The following BPIFB3 variants were observed in gnomAD, a reference collection of about 807,000 sequenced individuals.
BPIFB3 encodes BPI fold containing family B member 3, also known as BPI fold-containing family B member 3.
A neutral mutation model predicts 53.1 loss-of-function variants in BPIFB3; 49 were observed. The observed-to-expected ratio is 0.92, with a 90% CI of 0.73 to 1.17. BPIFB3 has a LOEUF of 1.17. Among genes scored for constraint, BPIFB3 ranks in the 50% most tolerant of loss-of-function variants. The pLI is 0.00. For synonymous variants in BPIFB3, 271 were observed against 269.6 expected (o/e 1.01, Z -0.05); for missense variants, 628 against 592.5 (o/e 1.06, Z -0.62).
At chr20:33,059,218 A>G (rs915723847) in intron 2 of BPIFB3, among the ~76,000 whole-genome samples, 160 bp from the exon 4 acceptor site, 1 of 151,982 alleles carries the variant, frequency 6.6e-6, no homozygotes, top group African/African-American at 2.4e-5. Context: ...CTTTACAGAT[A>G]AGGAAACTAG....
At position 33,072,132 on chromosome 20, in the gene BPIFB3, A is replaced by G. The variant is rs772949638; in HGVS notation, c.1289A>G (p.His430Arg). The G allele has an allele frequency of 5.0e-6, 8 of 1,614,110 alleles. No individual in the cohort carries two copies. The highest frequency in any genetic ancestry group is 6.8e-6 in the Non-Finnish European group (8 of 1,180,048). Reference sequence around the variant, plus strand: ...TCGCGTTTAGAAGAATGGCTCAGCCATGTGGTCGGGGCAGTGTATGCACCA... The same window carrying G: ...TCGCGTTTAGAAGAATGGCTCAGCCGTGTGGTCGGGGCAGTGTATGCACCA... The change falls in exon 13 of 15, where the codon CAT becomes CGT. Residue 430 changes from histidine to arginine, a missense_variant. Coordinates refer to ENST00000375494, the Ensembl canonical transcript of BPIFB3.
chr20:33,071,456 C>T (rs950408369), intron 12 of BPIFB3, among the ~76,000 whole-genome samples, 161 bp downstream of exon 13: 1 of 151,650 alleles, frequency 6.6e-6, no homozygotes, highest in Non-Finnish European at 1.5e-5. Context: ...GGCGGGTGTG[C>T]GTGAGAGAGA....
chr20:33,064,196 G>A (rs2146386392), intron 6 of BPIFB3, among the ~76,000 whole-genome samples: 1 of 152,312 alleles, frequency 6.6e-6, no homozygotes, highest in Middle Eastern at 3.4e-3. Flanking sequence ...AAGAGAGGCA[G>A]GGTAGCAGTG....
Position 33,066,823 on chromosome 20 carries a change from G to C in BPIFB3, c.925-1G>C. The C allele has an allele frequency of 2.5e-6, 4 of 1,614,166 alleles. No individual in the cohort carries two copies. The highest frequency in any genetic ancestry group is 3.4e-6 in the Non-Finnish European group (4 of 1,179,996). On this transcript the variant is annotated splice_acceptor_variant, in intron 8 of 14. Transcript: ENST00000375494. LOFTEE classifies it high-confidence loss of function. The stretch of plus-strand genomic sequence containing the variant: ...AACCCTCTCTCCCATTGGGGGTCCA[G>C]GTTCCCAGCGATGTCCCACTGACAA...
At chr20:33,069,784 G>A in intron 10 of BPIFB3, 104 bp from the exon 12 acceptor site, 2 of 1,119,972 alleles carry the variant, frequency 1.8e-6, no homozygotes, top group Non-Finnish European at 2.7e-6. Flanking sequence ...CACACAGTAG[G>A]GCCTCAGTAA....
At chr20:33,058,164 G>A (rs1450375331) in intron 2 of BPIFB3, among the ~76,000 whole-genome samples, 2 of 152,214 alleles carry the variant, frequency 1.3e-5, no homozygotes, top group East Asian at 1.9e-4. Flanking sequence ...AAACAACAGG[G>A]CCCAGGCAAG....
chr20:33,069,007 T>C lies in BPIFB3; in HGVS notation c.1149+34T>C, dbSNP rs375380161. The C allele has an allele frequency of 3.1e-5, 49 of 1,597,550 alleles. No individual in the cohort carries two copies. The East Asian group carries it at 5.4e-4, about 18-fold the overall frequency. ...TCAAGGGGTGGCTGGGGGCCCGGCA[T>C]TGGGGTTCCAAATGGGGGTGACTGT... On this transcript the variant is annotated intron_variant, in intron 10 of 14. Coordinates refer to ENST00000375494, the Ensembl canonical transcript of BPIFB3.
At chr20:33,058,946 T>A (rs1489371147) in intron 2 of BPIFB3, among the ~76,000 whole-genome samples, 1 of 152,084 alleles carries the variant, frequency 6.6e-6, no homozygotes, top group South Asian at 2.1e-4. Flanking sequence ...GAGTAATGAC[T>A]TGTGAGGAGT....
intron 14 of BPIFB3, among the ~76,000 whole-genome samples, chr20:33,073,321 T>C (rs1241095121): frequency 2.0e-5 from 3 of 152,164 alleles, no homozygotes; most frequent in African/African-American, 7.2e-5. Flanking sequence ...AAGGCTGAAG[T>C]AGGTCAGATT....
At chr20:33,059,944 T>C (rs1980378162) in exon 4 of BPIFB3, 2 of 1,614,094 alleles carry the variant, frequency 1.2e-6, no homozygotes, top group East Asian at 4.5e-5. Flanking sequence ...ACATCGCGGG[T>C]GGCGCTGGCC....
exon 2 of BPIFB3, chr20:33,056,585 G>A: frequency 6.2e-7 from 1 of 1,614,042 alleles, no homozygotes; most frequent in Non-Finnish European, 8.5e-7. Context: ...TGCAGAATGT[G>A]CTGGGATCGG....
chr20:33,055,326 G>A (rs555920442), upstream of BPIFB3: 13 of 1,548,160 alleles, frequency 8.4e-6, no homozygotes, highest in Admixed American at 6.9e-5. Context: ...GGCTGTGCCA[G>A]GTGGGCAGGA....
intron 2 of BPIFB3, among the ~76,000 whole-genome samples, chr20:33,058,604 C>T (rs1312226713): frequency 1.3e-5 from 2 of 151,956 alleles, no homozygotes; most frequent in Non-Finnish European, 2.9e-5. Flanking sequence ...TTTACTCTCC[C>T]TCCCCTGTGA....
chr20:33,066,138 C>T (rs961480784), intron 8 of BPIFB3, among the ~76,000 whole-genome samples: 4 of 152,126 alleles, frequency 2.6e-5, no homozygotes, highest in African/African-American at 9.7e-5. Flanking sequence ...ATATGTAGTT[C>T]GGTGGGCGGG....
chr20:33,070,875 C>T (rs1387323345), intron 11 of BPIFB3, among the ~76,000 whole-genome samples: 1 of 152,144 alleles, frequency 6.6e-6, no homozygotes, highest in Non-Finnish European at 1.5e-5. Flanking sequence ...GCACTTGGGC[C>T]AGATATGATC....
chr20:33,067,811 G>A (rs1487627044), intron 9 of BPIFB3, among the ~76,000 whole-genome samples: 1 of 152,328 alleles, frequency 6.6e-6, no homozygotes, highest in East Asian at 1.9e-4. Flanking sequence ...TGCTGGCCTC[G>A]CAGCTTTAGA....
intron 10 of BPIFB3, 43 bp from the exon 12 acceptor site, chr20:33,069,845 T>C: frequency 6.2e-7 from 1 of 1,607,874 alleles, no homozygotes; most frequent in East Asian, 2.2e-5. Flanking sequence ...CTCAAGCTCC[T>C]TCTGCCGATT....
chr20:33,063,120 A>G (rs1315977566), intron 5 of BPIFB3, among the ~76,000 whole-genome samples: 1 of 152,210 alleles, frequency 6.6e-6, no homozygotes, highest in Non-Finnish European at 1.5e-5. Context: ...CACAGGGGTT[A>G]GGAATGAACA....
At chr20:33,068,825 A>G (rs1980768073) in exon 10 of BPIFB3, 1 of 1,613,682 alleles carries the variant, frequency 6.2e-7, no homozygotes, top group Non-Finnish European at 8.5e-7. Context: ...CTGCCCCTGC[A>G]CCAGCAACTC....
Sources: allele counts gnomAD v4.1 joint callset (sites outside exome capture counted in the v4.1 genomes callset), GRCh38; gene constraint gnomAD v4.1.1; transcripts MANE v1.5; gene names NCBI Gene and HGNC (gene_info 2026-07-23, HGNC 2026-07-21).